The following PDE3B variants were observed in gnomAD, a reference collection of about 807,000 sequenced individuals.
The protein encoded by PDE3B is cGMP-inhibited 3',5'-cyclic phosphodiesterase 3B.
PDE3B carries 66 observed loss-of-function variants against 116.8 expected under a neutral mutation model. The ratio of observed to expected loss-of-function variants is 0.56; its 90% CI spans 0.46 to 0.69. The LOEUF is 0.69. Ranked by LOEUF, PDE3B falls within the 30% of genes least tolerant of loss-of-function variation. The probability of loss-of-function intolerance (pLI) is 0.00; values close to 1 mark genes in which losing one functional copy is unlikely to be tolerated. For missense variants in PDE3B, 1,384 were observed against 1,368.1 expected (o/e 1.01, Z -0.18); for synonymous variants, 595 against 533.6 (o/e 1.12, Z -1.59).
chr11:14,707,082 A>G (rs1336243100), intron 1 of PDE3B, among the ~76,000 whole-genome samples: 1 of 151,968 alleles, frequency 6.6e-6, no homozygotes, highest in Non-Finnish European at 1.5e-5. Flanking sequence ...AACACATAAA[A>G]TAACAAGATA....
intron 1 of PDE3B, among the ~76,000 whole-genome samples, chr11:14,700,107 C>T (rs574058930): frequency 4.6e-5 from 7 of 151,736 alleles, no homozygotes; most frequent in African/African-American, 1.7e-4. Context: ...GGTCTTTTTC[C>T]TTCTCTTTAG....
chr11:14,898,198 C>A, the PDE3B span, among the ~76,000 whole-genome samples: 1 of 150,090 alleles, frequency 6.7e-6, no homozygotes, highest in African/African-American at 2.5e-5. Flanking sequence ...ATCGGACAAC[C>A]ACACTGGGAA....
intron 7 of PDE3B, among the ~76,000 whole-genome samples, chr11:14,828,500 GAT>G (rs1859771618): frequency 6.6e-6 from 1 of 152,136 alleles, no homozygotes. Flanking sequence ...GTGGGCAAAG[GAT>G]ATGAACAGAC....
intron 4 of PDE3B, among the ~76,000 whole-genome samples, chr11:14,803,557 A>G (rs964326439): frequency 1.3e-5 from 2 of 152,132 alleles, no homozygotes; most frequent in Non-Finnish European, 2.9e-5. Context: ...GTTTTAAGAA[A>G]CCTTCAAAGT....
the PDE3B span, among the ~76,000 whole-genome samples, chr11:14,881,187 T>TA: frequency 2.0e-5 from 3 of 152,052 alleles, no homozygotes; most frequent in Non-Finnish European, 4.4e-5. Flanking sequence ...ATTTTCTGCT[T>TA]AAAAGAGAAT....
At position 14,711,702 on chromosome 11, in the gene PDE3B, C is replaced by G. The variant is rs146320980; in HGVS notation, c.979-60235C>G. ...CCTAAACCCCTCCCACCAGGTCCCA[C>G]CTCCAACATTGGGGATTACAATTCA... On this transcript the variant is annotated intron_variant, in intron 1 of 15. Transcript: ENST00000282096. 4.2e-3 allele frequency among the ~76,000 whole-genome samples: 635 copies of G among 152,282 alleles called. 4 individuals are homozygous for G. Among genetic ancestry groups the G allele is most frequent in the Non-Finnish European group, 6.3e-3 (426 of 68,016 alleles).
chr11:14,663,037 A>C (rs1853988296), intron 1 of PDE3B, among the ~76,000 whole-genome samples: 1 of 152,068 alleles, frequency 6.6e-6, no homozygotes. Flanking sequence ...TGAAGGAAAA[A>C]ATGTTAAGGG....
chr11:14,709,447 T>G (rs1007669112), intron 1 of PDE3B, among the ~76,000 whole-genome samples: 2 of 152,202 alleles, frequency 1.3e-5, no homozygotes, highest in Admixed American at 6.5e-5. Flanking sequence ...CCATATAAGA[T>G]TTGTGGTTTT....
intron 1 of PDE3B, among the ~76,000 whole-genome samples, chr11:14,736,638 G>T (rs990055942): frequency 1.3e-5 from 2 of 152,110 alleles, no homozygotes; most frequent in East Asian, 3.9e-4. Flanking sequence ...TTGTCCTAGG[G>T]TATTGAGATA....
chr11:14,821,594 C>T (rs1356096160), intron 7 of PDE3B, among the ~76,000 whole-genome samples: 2 of 151,964 alleles, frequency 1.3e-5, no homozygotes, highest in Admixed American at 1.3e-4. Flanking sequence ...GTAGTTATTG[C>T]CTTACCTTAC....
chr11:14,886,831 C>T, the PDE3B span: 1 of 152,202 alleles, frequency 6.6e-6, no homozygotes, highest in African/African-American at 2.4e-5. Context: ...CAGAAGAAAA[C>T]AGGAGGCTTA....
At position 14,664,255 on chromosome 11, in the gene PDE3B, A is replaced by G. The variant is rs955685788; in HGVS notation, c.978+19202A>G. Among the ~76,000 whole-genome samples the G allele has an allele frequency of 9.2e-5, 14 of 152,352 alleles. No homozygotes were observed. The East Asian group carries it at 1.3e-3, about 15-fold the overall frequency. On this transcript the variant is annotated intron_variant, in intron 1 of 15. Transcript: ENST00000282096. ...CACAACATATCAGAATCTCTGGGAC[A>G]CATTCAAAGCAGTGTGTAGAGGGAA...
intron 7 of PDE3B, among the ~76,000 whole-genome samples, chr11:14,829,944 G>A (rs182709319): frequency 6.6e-6 from 1 of 151,980 alleles, no homozygotes; most frequent in Non-Finnish European, 1.5e-5. Flanking sequence ...TGATCTTTTT[G>A]TCTTTCATAC....
At chr11:14,747,341 A>C (rs1856937178) in intron 1 of PDE3B, among the ~76,000 whole-genome samples, 1 of 152,172 alleles carries the variant, frequency 6.6e-6, no homozygotes, top group African/African-American at 2.4e-5. Context: ...ATACTTACAG[A>C]ATCATAGTAT....
chr11:14,671,804 G>GA (rs1465701861), intron 1 of PDE3B, among the ~76,000 whole-genome samples: 1 of 151,744 alleles, frequency 6.6e-6, no homozygotes, highest in Non-Finnish European at 1.5e-5. Context: ...GAGATGGGAG[G>GA]ATTGCATGAG....
At chr11:14,832,943 G>T in intron 10 of PDE3B, 110 bp downstream of exon 10, 1 of 542,676 alleles carries the variant, frequency 1.8e-6, no homozygotes. Flanking sequence ...CTGCTTGTTT[G>T]AAATTTTCTT....
At chr11:14,868,850 A>G (rs574954656) in intron 15 of PDE3B, among the ~76,000 whole-genome samples, 2 of 151,620 alleles carry the variant, frequency 1.3e-5, no homozygotes, top group South Asian at 4.2e-4. Context: ...ATACTCCCCC[A>G]TCTCTACTAA....
chr11:14,841,652 C>T (rs187364398), intron 11 of PDE3B, among the ~76,000 whole-genome samples: 3 of 112,444 alleles, frequency 2.7e-5, no homozygotes, highest in East Asian at 2.6e-4. Flanking sequence ...CACAATTCTG[C>T]GGCTGTACAG....
At chr11:14,666,017 A>G (rs1371192002) in intron 1 of PDE3B, among the ~76,000 whole-genome samples, 1 of 152,134 alleles carries the variant, frequency 6.6e-6, no homozygotes, top group African/African-American at 2.4e-5. Context: ...GCATCACACT[A>G]CCTGACTTCA....
Sources: gnomAD v4.1 joint callset for allele counts (sites outside exome capture counted in the v4.1 genomes callset) on GRCh38, gnomAD v4.1.1 for gene constraint, MANE v1.5 for transcripts, NCBI Gene and HGNC (gene_info 2026-07-23, HGNC 2026-07-21) for gene names.